The following CDH12 variants were observed in gnomAD, a reference collection of about 807,000 sequenced individuals.
CDH12 encodes cadherin-12.
A neutral mutation model predicts 74.1 loss-of-function variants in CDH12; 41 were observed. The ratio of observed to expected loss-of-function variants is 0.55; its 90% CI spans 0.43 to 0.72. CDH12 has a LOEUF of 0.72. Ranked by LOEUF, CDH12 falls within the 30% of genes least tolerant of loss-of-function variation. CDH12 has a pLI of 0.00. For missense variants in CDH12, 945 were observed against 977.2 expected, an observed-to-expected ratio of 0.97 and a Z score of 0.44; for synonymous variants, 399 against 355.0, an observed-to-expected ratio of 1.12 and a Z score of -1.39.
intron 6 of CDH12, among the ~76,000 whole-genome samples, chr5:21,893,517 A>C (rs1752985184): frequency 6.6e-6 from 1 of 152,232 alleles, no homozygotes; most frequent in Non-Finnish European, 1.5e-5. Context: ...TATTGTCACC[A>C]GTAATATTTA....
At chr5:22,645,422 G>A (rs918093424) in intron 1 of CDH12, among the ~76,000 whole-genome samples, 1 of 152,012 alleles carries the variant, frequency 6.6e-6, no homozygotes, top group African/African-American at 2.4e-5. Context: ...CTAGATTGCT[G>A]AAATCTGCTG....
intron 1 of CDH12, among the ~76,000 whole-genome samples, chr5:22,629,436 G>C (rs1201018476): frequency 2.6e-5 from 4 of 151,878 alleles, no homozygotes; most frequent in African/African-American, 9.7e-5. Flanking sequence ...GCTTCATTCT[G>C]GAATGCAAGA....
intron 4 of CDH12, among the ~76,000 whole-genome samples, chr5:22,202,085 A>C: frequency 6.6e-6 from 1 of 151,576 alleles, no homozygotes. Context: ...AGATTAGGGA[A>C]TGCACTGATA....
intron 3 of CDH12, among the ~76,000 whole-genome samples, chr5:22,352,029 T>A (rs1332388745): frequency 6.6e-6 from 1 of 152,150 alleles, no homozygotes; most frequent in Non-Finnish European, 1.5e-5. Flanking sequence ...CTATTTACTT[T>A]CCACTTTATA....
intron 4 of CDH12, among the ~76,000 whole-genome samples, chr5:22,146,261 C>A (rs776514374): frequency 6.6e-6 from 1 of 151,978 alleles, no homozygotes; most frequent in Non-Finnish European, 1.5e-5. Context: ...ATCTAAAATA[C>A]TTGATGGTAA....
At chr5:22,196,022 G>A (rs931397168) in intron 4 of CDH12, among the ~76,000 whole-genome samples, 15 of 152,016 alleles carry the variant, frequency 9.9e-5, no homozygotes, top group Admixed American at 3.9e-4. Context: ...CGTTCTACAC[G>A]TCTTCATTTC....
At chr5:22,685,610 C>G (rs1741744679) in intron 1 of CDH12, among the ~76,000 whole-genome samples, 1 of 152,178 alleles carries the variant, frequency 6.6e-6, no homozygotes, top group South Asian at 2.1e-4. Context: ...CTGTTTCTAT[C>G]CATTTGCCTA....
intron 4 of CDH12, among the ~76,000 whole-genome samples, chr5:22,160,054 C>A (rs1447773953): frequency 1.3e-5 from 2 of 152,116 alleles, no homozygotes; most frequent in Non-Finnish European, 2.9e-5. Context: ...CTTCACCTAT[C>A]TATTGCAATA....
At chr5:22,153,289 T>C (rs890386523) in intron 4 of CDH12, among the ~76,000 whole-genome samples, 4 of 151,740 alleles carry the variant, frequency 2.6e-5, no homozygotes, top group Non-Finnish European at 5.9e-5. Flanking sequence ...TAAAATTCTT[T>C]ATAAATTGCA....
intron 1 of CDH12, among the ~76,000 whole-genome samples, chr5:22,546,772 C>T (rs1253593070): frequency 6.6e-6 from 1 of 152,072 alleles, no homozygotes; most frequent in Non-Finnish European, 1.5e-5. Context: ...TAAAAAAATA[C>T]ATTGAAAGCC....
At chr5:22,805,255 T>A (rs992775738) in intron 1 of CDH12, among the ~76,000 whole-genome samples, 21 of 152,246 alleles carry the variant, frequency 1.4e-4, no homozygotes, top group African/African-American at 4.8e-4. Context: ...TACATACTTA[T>A]GTAATAAAAT....
intron 1 of CDH12, among the ~76,000 whole-genome samples, chr5:22,620,162 G>A (rs1239467903): frequency 6.6e-6 from 1 of 152,060 alleles, no homozygotes; most frequent in Non-Finnish European, 1.5e-5. Flanking sequence ...CAGAATGCAA[G>A]TCACAAATAA....
At chr5:21,933,817 G>C (rs910526647) in intron 6 of CDH12, among the ~76,000 whole-genome samples, 1 of 152,102 alleles carries the variant, frequency 6.6e-6, no homozygotes, top group Non-Finnish European at 1.5e-5. Context: ...GAGGAGAAGC[G>C]GTAAGGCAGG....
intron 5 of CDH12, among the ~76,000 whole-genome samples, chr5:22,067,338 C>T (rs1741634023): frequency 1.3e-5 from 2 of 152,150 alleles, no homozygotes; most frequent in South Asian, 4.1e-4. Flanking sequence ...ATTGAGATAT[C>T]CCCGAAAAGG....
chr5:21,802,661 G>C (rs532993053), intron 9 of CDH12, among the ~76,000 whole-genome samples: 1 of 130,360 alleles, frequency 7.7e-6, no homozygotes, highest in Admixed American at 9.4e-5. Context: ...GTGTGATCTC[G>C]GCTCACTGCA....
chr5:22,397,949 C>A (rs1580606319), intron 3 of CDH12, among the ~76,000 whole-genome samples: 1 of 152,010 alleles, frequency 6.6e-6, no homozygotes, highest in Non-Finnish European at 1.5e-5. Flanking sequence ...AAGAAATAAA[C>A]CCTGCTGACA....
At chr5:21,897,747 A>G (rs2150050811) in intron 6 of CDH12, among the ~76,000 whole-genome samples, 1 of 152,348 alleles carries the variant, frequency 6.6e-6, no homozygotes, top group South Asian at 2.1e-4. Flanking sequence ...CATATTTATC[A>G]GAGCTATTTT....
intron 6 of CDH12, among the ~76,000 whole-genome samples, chr5:21,952,513 C>A (rs1755909549): frequency 1.3e-5 from 2 of 152,206 alleles, no homozygotes; most frequent in South Asian, 4.1e-4. Flanking sequence ...ACTGACATAA[C>A]TTTCGCATCT....
At chr5:22,264,835 A>C (rs1018110106) in intron 3 of CDH12, among the ~76,000 whole-genome samples, 1 of 152,172 alleles carries the variant, frequency 6.6e-6, no homozygotes, top group African/African-American at 2.4e-5. Context: ...GTGTGAGGCA[A>C]GAAGTGTGAG....
Sources: gnomAD v4.1 joint callset for allele counts (sites outside exome capture counted in the v4.1 genomes callset) on GRCh38, gnomAD v4.1.1 for gene constraint, MANE v1.5 for transcripts, NCBI Gene and HGNC (gene_info 2026-07-23, HGNC 2026-07-21) for gene names.